PIK3R5: variants seen among roughly 807,000 people sequenced by gnomAD.
PIK3R5 encodes the protein phosphoinositide-3-kinase regulatory subunit 5, also known as phosphoinositide 3-kinase regulatory subunit 5.
In PIK3R5, 32 loss-of-function variants were observed where a neutral mutation model predicts 94.9. The ratio of observed to expected loss-of-function variants is 0.34; its 90% CI spans 0.25 to 0.45. The LOEUF (loss-of-function observed/expected upper bound fraction) is 0.45. Among genes scored for constraint, PIK3R5 ranks in the 20% least tolerant of loss-of-function variants. The probability of loss-of-function intolerance (pLI) is 1.00; values close to 1 mark genes in which losing one functional copy is unlikely to be tolerated. For synonymous variants in PIK3R5, 443 were observed against 479.4 expected (o/e 0.92, Z 0.99); for missense variants, 853 against 1,144.6 (o/e 0.75, Z 3.68).
rs2089926246 is a variant in PIK3R5, at chr17:8,888,240, G to A, written c.1547C>T (p.Thr516Met). ...GGAGCCAAAGACCACAACACGTAGCGTGGAAGCCTTGGGATCCTCATCTCC... is the reference window on the plus strand; with the variant it reads ...GGAGCCAAAGACCACAACACGTAGCATGGAAGCCTTGGGATCCTCATCTCC... ...LSGDEDPKASTLRVVVFGSDR... is the reference protein window; with the variant it reads ...LSGDEDPKASMLRVVVFGSDR... Residue 516 changes from threonine to methionine, a missense_variant, in exon 10 of 19, where the codon ACG becomes ATG. Transcript: ENST00000447110. The surrounding 1 kb of genome is among the most constrained non-coding windows in gnomAD (Gnocchi z 7.8). 4 of 1,613,370 alleles carry A rather than the reference G, an allele frequency of 2.5e-6. No individual in the cohort carries two copies. Among genetic ancestry groups the A allele is most frequent in the African/African-American group, 2.7e-5 (2 of 74,848 alleles).
intron 12 of PIK3R5, 102 bp downstream of exon 12, chr17:8,886,994 C>T: frequency 7.2e-7 from 1 of 1,382,146 alleles, no homozygotes; most frequent in Non-Finnish European, 9.9e-7. Flanking sequence ...CCCAGGTCCT[C>T]CATGGGGGCC....
At chr17:8,917,159 G>T (rs1200218216) in intron 1 of PIK3R5, among the ~76,000 whole-genome samples, 1 of 152,174 alleles carries the variant, frequency 6.6e-6, no homozygotes, top group Non-Finnish European at 1.5e-5. Flanking sequence ...TAAGGAGATT[G>T]GTTAGTTACT....
intron 1 of PIK3R5, among the ~76,000 whole-genome samples, chr17:8,962,169 T>G (rs2091578076): frequency 6.6e-6 from 1 of 152,064 alleles, no homozygotes; most frequent in African/African-American, 2.4e-5. Flanking sequence ...TTCTCATATG[T>G]GAAATGGGGG....
chr17:8,887,091 C>T lies in PIK3R5; in HGVS notation c.1905+5G>A, dbSNP rs1379060098. 1.2e-6 allele frequency: 2 copies of T among 1,613,912 alleles called. No individual in the cohort carries two copies. Among genetic ancestry groups the T allele is most frequent in the Admixed American group, 3.3e-5 (2 of 60,010 alleles). On this transcript the variant is annotated splice_donor_5th_base_variant and intron_variant, in intron 12 of 18. Transcript: ENST00000447110. ...ACCCTGTTCCGCAACCACGGGGCCA[C>T]TTACCTGGCACAGGACTTCAGGGGG...
Position 8,889,298 on chromosome 17 carries a change from TG to T in PIK3R5, c.812-77del. 1.9e-6 allele frequency: 2 copies of T among 1,073,118 alleles called. No homozygotes were observed. The highest frequency in any genetic ancestry group is 2.8e-6 in the Non-Finnish European group (2 of 722,886). 66.5% of individuals were successfully genotyped at this position (1,073,118 alleles called of 1,614,324 possible). ...ATTGGCCAGTCCAGTCCCCTTGCCT[TG>T]GAGAAGAGACCAGAGATGGGACAGG... is the stretch of plus-strand genomic sequence containing the variant. On this transcript the variant is annotated intron_variant, in intron 8 of 18. Transcript: ENST00000447110. This position sits in a 1 kb window ranked among gnomAD's most constrained non-coding sequence, Gnocchi z 4.1.
At position 8,957,042 on chromosome 17, in the gene PIK3R5, C is replaced by T. The variant is rs116166909; in HGVS notation, c.-14+8554G>A. Among the ~76,000 whole-genome samples, 401 of 152,238 alleles carry T rather than the reference C, an allele frequency of 2.6e-3. 2 individuals are homozygous for T. The highest frequency in any genetic ancestry group is 9.1e-3 in the African/African-American group (379 of 41,530). On this transcript the variant is annotated intron_variant, in intron 1 of 18. Coordinates refer to ENST00000447110, the MANE Select transcript of PIK3R5 (RefSeq NM_001142633.3). ...GGCTGTGGGGTTTCTGAGCAAACTG[C>T]CCAGCTTTGGGACCTGTTTATTCAA...
Position 8,881,575 on chromosome 17 carries a change from G to A in PIK3R5, c.2382+55C>T. Reference sequence around the variant, plus strand: ...CACACACGTACACACATACGCACATGCACGCTCCAGTAAGTCTCTTGAGGG... The same window carrying A: ...CACACACGTACACACATACGCACATACACGCTCCAGTAAGTCTCTTGAGGG... On this transcript the variant is annotated intron_variant, in intron 17 of 18. Transcript: ENST00000447110. This position sits in a 1 kb window ranked among gnomAD's most constrained non-coding sequence, Gnocchi z 4.8. The A allele has an allele frequency of 1.4e-5, 19 of 1,372,484 alleles. No individual in the cohort carries two copies. The South Asian group carries it at 1.6e-4, about 11-fold the overall frequency. 85.0% of individuals were successfully genotyped at this position (1,372,484 alleles called of 1,614,324 possible).
chr17:8,886,011 A>G (rs1326715864), intron 14 of PIK3R5, among the ~76,000 whole-genome samples: 3 of 83,222 alleles, frequency 3.6e-5, no homozygotes, highest in Admixed American at 1.3e-4. Flanking sequence ...CCGTGGCCCC[A>G]CCTCCCGTAT....
At chr17:8,910,069 T>A (rs925134024) in intron 2 of PIK3R5, among the ~76,000 whole-genome samples, 1 of 152,222 alleles carries the variant, frequency 6.6e-6, no homozygotes, top group African/African-American at 2.4e-5. Context: ...TCAGTCTCTG[T>A]TTCCCTGCAG....
At chr17:8,903,143 C>T (rs567577754) in intron 5 of PIK3R5, among the ~76,000 whole-genome samples, 104 of 152,264 alleles carry the variant, frequency 6.8e-4, no homozygotes, top group Admixed American at 1.0e-3. Flanking sequence ...CCACACCTGG[C>T]CTTTTTAGAT....
chr17:8,940,967 C>T (rs999717275), intron 1 of PIK3R5, among the ~76,000 whole-genome samples: 25 of 152,132 alleles, frequency 1.6e-4, no homozygotes, highest in Non-Finnish European at 1.3e-4. Flanking sequence ...AAGGCATCCC[C>T]GCTCCTCTCT....
intron 6 of PIK3R5, among the ~76,000 whole-genome samples, chr17:8,891,795 A>G (rs1418463358): frequency 6.6e-6 from 1 of 151,398 alleles, no homozygotes; most frequent in African/African-American, 2.4e-5. Flanking sequence ...TAGTAGAGAC[A>G]GGGTTTCAAT....
chr17:8,936,285 C>T (rs2091074556), intron 1 of PIK3R5, among the ~76,000 whole-genome samples: 1 of 152,162 alleles, frequency 6.6e-6, no homozygotes, highest in African/African-American at 2.4e-5. Flanking sequence ...CTGAAGTCCA[C>T]AGTGTGCGTT....
chr17:8,881,910 G>T lies in PIK3R5; in HGVS notation c.2206-29C>A. The T allele has an allele frequency of 6.4e-7, 1 of 1,564,062 alleles. No individual in the cohort carries two copies. Among genetic ancestry groups the T allele is most frequent in the Non-Finnish European group, 8.8e-7 (1 of 1,138,940 alleles). On this transcript the variant is annotated intron_variant, in intron 15 of 18. Coordinates refer to ENST00000447110, the MANE Select transcript of PIK3R5 (RefSeq NM_001142633.3). This position sits in a 1 kb window ranked among gnomAD's most constrained non-coding sequence, Gnocchi z 4.8. Reference sequence around the variant, plus strand: ...GAAATGCAGTGTAGCCAGACCCTCTGAGTCCAGAGGCCCCGGTGCCTGCTG... The same window carrying T: ...GAAATGCAGTGTAGCCAGACCCTCTTAGTCCAGAGGCCCCGGTGCCTGCTG...
chr17:8,886,940 C>T (rs2089874083), intron 12 of PIK3R5, among the ~76,000 whole-genome samples, 156 bp downstream of exon 12: 1 of 152,234 alleles, frequency 6.6e-6, no homozygotes. Flanking sequence ...AGTTCAGGCT[C>T]AGTCCTGCTT....
rs1197022466 is a variant in PIK3R5, at chr17:8,889,195, G to T, written c.839C>A (p.Thr280Asn). The change falls in exon 9 of 19, where the codon ACC becomes AAC. Residue 280 changes from threonine to asparagine, a missense_variant. Physicochemically the swap from Thr to Asn is moderately conservative, Grantham distance 65. Around this residue, in one of 6 missense-constraint regions of PIK3R5, gnomAD observed 161 missense variants for 249.5 expected, o/e 0.65. Coordinates refer to ENST00000447110, the MANE Select transcript of PIK3R5 (RefSeq NM_001142633.3). The surrounding 1 kb of genome is among the most constrained non-coding windows in gnomAD (Gnocchi z 4.1). The part of the protein sequence containing the change: ...LDTAKPGKLH[T>N]IPIPVARCYT... The stretch of plus-strand genomic sequence containing the variant: ...GCACCTGGCGACAGGGATGGGGATG[G>T]TGTGGAGCTTCCCTGGTTTTGCAGT... 2 of 1,614,002 alleles carry T rather than the reference G, an allele frequency of 1.2e-6. No individual in the cohort carries two copies. Among genetic ancestry groups the T allele is most frequent in the Non-Finnish European group, 8.5e-7 (1 of 1,179,910 alleles).
Position 8,889,621 on chromosome 17 carries a change from G to T in PIK3R5, c.811+352C>A, listed in dbSNP as rs937346052. ...GAGTCATAGAGACGATGTTTCCCAG[G>T]CTCCTTTGGGGCAAGATGTGGCCAC... On this transcript the variant is annotated intron_variant, in intron 8 of 18. Coordinates refer to ENST00000447110, the MANE Select transcript of PIK3R5 (RefSeq NM_001142633.3). This position sits in a 1 kb window ranked among gnomAD's most constrained non-coding sequence, Gnocchi z 4.1. Among the ~76,000 whole-genome samples, 9 of 152,146 alleles carry T rather than the reference G, an allele frequency of 5.9e-5. No individual in the cohort carries two copies. The highest frequency in any genetic ancestry group is 1.3e-4 in the Admixed American group (2 of 15,278).
At chr17:8,891,391 G>T (rs1329745719) in intron 6 of PIK3R5, among the ~76,000 whole-genome samples, 1 of 152,016 alleles carries the variant, frequency 6.6e-6, no homozygotes, top group African/African-American at 2.4e-5. Context: ...GGCTGCATCT[G>T]CCCGGAGGAG....
chr17:8,959,256 A>C (rs1176508109), intron 1 of PIK3R5, among the ~76,000 whole-genome samples: 1 of 152,186 alleles, frequency 6.6e-6, no homozygotes, highest in Non-Finnish European at 1.5e-5. Context: ...TGCTTCTGAC[A>C]ACAGCTTCCT....
Sources: gnomAD v4.1 joint callset for allele counts (sites outside exome capture counted in the v4.1 genomes callset) on GRCh38, gnomAD v4.1.1 for gene constraint, gnomAD v4.1.1 regional missense constraint, Gnocchi (gnomAD v3.1) non-coding constraint, MANE v1.5 for transcripts, NCBI Gene and HGNC (gene_info 2026-07-23, HGNC 2026-07-21) for gene names.